FAM169A: variants seen among roughly 807,000 people sequenced by gnomAD.
FAM169A encodes family with sequence similarity 169 member A, also known as soluble lamin-associated protein of 75 kDa.
Under a neutral mutation model 75.7 loss-of-function variants are expected in FAM169A, and 24 were observed. The ratio of observed to expected loss-of-function variants is 0.32; its 90% CI spans 0.23 to 0.45. The LOEUF is 0.45. Among genes scored for constraint, FAM169A ranks in the 20% least tolerant of loss-of-function variants. The probability of loss-of-function intolerance (pLI) is 1.00; values close to 1 mark genes in which losing one functional copy is unlikely to be tolerated. For missense variants in FAM169A, 673 were observed against 784.0 expected, an observed-to-expected ratio of 0.86 and a Z score of 1.69; for synonymous variants, 271 against 271.0, an observed-to-expected ratio of 1.00 and a Z score of 0.00.
chr5:74,803,935 G>A (rs1166310952), intron 8 of FAM169A, among the ~76,000 whole-genome samples: 1 of 151,938 alleles, frequency 6.6e-6, no homozygotes. Flanking sequence ...TTGCTCCTGG[G>A]TCATTTAAAA....
intron 1 of FAM169A, among the ~76,000 whole-genome samples, chr5:74,861,002 C>T (rs1363701932): frequency 3.3e-5 from 5 of 151,868 alleles, no homozygotes; most frequent in Admixed American, 1.3e-4. Context: ...CCAGGCATAG[C>T]GGCGTGCATC....
chr5:74,784,473 G>A (rs1168796331), intron 11 of FAM169A, among the ~76,000 whole-genome samples: 4 of 124,880 alleles, frequency 3.2e-5, no homozygotes, highest in Non-Finnish European at 6.2e-5. Flanking sequence ...TCATGCCACT[G>A]CAGTCCAGCC....
rs181020352 is a variant in FAM169A at position 74,830,552 on chromosome 5, C to T, written c.490+3874G>A. On this transcript the variant is annotated intron_variant, in intron 5 of 12. Transcript: ENST00000687041. ...GGAGATTATGAGAAATACAATGCAA[C>T]GGGTGTTTACTATTAGGAACTATCA... Among the ~76,000 whole-genome samples, 13 of 152,192 alleles carry T rather than the reference C, an allele frequency of 8.5e-5. No individual in the cohort carries two copies. In the East Asian group the frequency reaches 1.5e-3, roughly 18 times the overall value.
At chr5:74,813,763 C>CA (rs1177953095) in intron 6 of FAM169A, 77 bp downstream of exon 6, 2 of 1,151,052 alleles carry the variant, frequency 1.7e-6, no homozygotes, top group African/African-American at 1.6e-5. Flanking sequence ...GATATATACA[C>CA]ATTTACCGTA....
chr5:74,853,356 T>A (rs1749541168), intron 1 of FAM169A, among the ~76,000 whole-genome samples: 2 of 152,220 alleles, frequency 1.3e-5, no homozygotes, highest in South Asian at 4.1e-4. Context: ...ACACATCTCA[T>A]TCCTCGAAAT....
chr5:74,839,411 C>T (rs768094050), intron 3 of FAM169A, among the ~76,000 whole-genome samples: 9 of 152,096 alleles, frequency 5.9e-5, no homozygotes, highest in Non-Finnish European at 1.3e-4. Context: ...CACGTGCGCA[C>T]ACACTCTCTC....
chr5:74,799,317 G>A, intron 10 of FAM169A: 2 of 1,601,524 alleles, frequency 1.2e-6, no homozygotes, highest in Non-Finnish European at 1.7e-6. Context: ...CCGCCCTAGA[G>A]AACAAATTTG....
chr5:74,799,679 C>T (rs1456098343), intron 10 of FAM169A: 4 of 1,270,038 alleles, frequency 3.1e-6, no homozygotes, highest in African/African-American at 1.5e-5. Flanking sequence ...AGCACCATGT[C>T]TGCTGCTGAT....
chr5:74,804,725 T>C (rs1433974192), intron 7 of FAM169A, 120 bp from the exon 8 acceptor site: 2 of 551,278 alleles, frequency 3.6e-6, no homozygotes, highest in Non-Finnish European at 6.5e-6. Context: ...CACGAAAATC[T>C]AGGTGTGAGA....
chr5:74,795,517 G>GTT (rs1746224247), intron 11 of FAM169A, among the ~76,000 whole-genome samples: 1 of 150,048 alleles, frequency 6.7e-6, no homozygotes, highest in African/African-American at 2.5e-5. Context: ...GTTACCAAGG[G>GTT]TTTATATATT....
Position 74,779,609 on chromosome 5 carries a change from ATAG to A in FAM169A, c.*1848_*1850del, listed in dbSNP as rs1322282569. ...GCATAAATGTTTGGTAGATTCACTA[ATAG>A]TAGTCATACTTTTTTTTTTTTACTT... On this transcript the variant is annotated 3_prime_UTR_variant, in exon 13 of 13. Transcript: ENST00000687041. 4 of 151,862 alleles carry A rather than the reference ATAG, an allele frequency of 2.6e-5. No individual in the cohort carries two copies. The highest frequency in any genetic ancestry group is 4.9e-5 in the African/African-American group (2 of 41,198). The allele number at this position is 151,862 out of a possible 1,614,324, so 9.4% of individuals were successfully genotyped here.
chr5:74,827,460 T>G (rs1454560695), intron 5 of FAM169A, among the ~76,000 whole-genome samples: 1 of 152,096 alleles, frequency 6.6e-6, no homozygotes, highest in Admixed American at 6.6e-5. Flanking sequence ...ATCATTTTTC[T>G]CTACAAGAAT....
chr5:74,849,495 C>A (rs1424954607), intron 1 of FAM169A, among the ~76,000 whole-genome samples: 1 of 151,990 alleles, frequency 6.6e-6, no homozygotes, highest in Non-Finnish European at 1.5e-5. Flanking sequence ...TGAAAGAATT[C>A]TCAGGGAAAA....
chr5:74,821,843 G>T (rs1747780229), intron 5 of FAM169A, among the ~76,000 whole-genome samples: 3 of 152,104 alleles, frequency 2.0e-5, no homozygotes, highest in African/African-American at 7.2e-5. Context: ...CTCTCATAGG[G>T]CATCAGCTAG....
intron 5 of FAM169A, among the ~76,000 whole-genome samples, chr5:74,826,146 G>A (rs1273517748): frequency 6.6e-6 from 1 of 152,046 alleles, no homozygotes; most frequent in East Asian, 1.9e-4. Context: ...ATTTGTTTTA[G>A]TTTCTAAGAG....
chr5:74,859,631 GTTA>G, intron 1 of FAM169A, among the ~76,000 whole-genome samples: 2 of 152,252 alleles, frequency 1.3e-5, no homozygotes, highest in Middle Eastern at 6.8e-3. Context: ...TCAACTTGTG[GTTA>G]TACTATATCT....
At position 74,781,684 on chromosome 5, in the gene FAM169A, C is replaced by G; in HGVS notation, c.1789G>C (p.Glu597Gln). 2 of 1,614,154 alleles carry G rather than the reference C, an allele frequency of 1.2e-6. No individual in the cohort carries two copies. The highest frequency in any genetic ancestry group is 4.5e-5 in the East Asian group (2 of 44,882). ...GCATTCTGTGAAAATGGCACGTCTT[C>G]AAGTTCAACCTCTATCAAAGAACTC... ...PQSSLIEVEL[E>Q]DVPFSQNAGQ... The change falls in exon 13 of 13, where the codon GAA (glutamate) becomes CAA (glutamine). Residue 597 changes from glutamate (E) to glutamine (Q), a missense_variant. Glu to Gln is a conservative substitution (Grantham distance 29). Around this residue, in one of 3 missense-constraint regions of FAM169A, gnomAD observed 510 missense variants for 550.9 expected, o/e 0.93. Coordinates refer to ENST00000687041, the MANE Select transcript of FAM169A (RefSeq NM_001376049.1).
chr5:74,866,258 CG>C lies in FAM169A; in HGVS notation c.-98del. 4 of 984,026 alleles carry C rather than the reference CG, an allele frequency of 4.1e-6. No individual in the cohort carries two copies. Among genetic ancestry groups the C allele is most frequent in the Non-Finnish European group, 4.8e-6 (4 of 829,296 alleles). 61.0% of individuals were successfully genotyped at this position (984,026 alleles called of 1,614,324 possible). On this transcript the variant is annotated 5_prime_UTR_variant, in exon 1 of 13. Coordinates refer to ENST00000687041, the MANE Select transcript of FAM169A (RefSeq NM_001376049.1). ...CCGGCGGCTGCTCGCTGGCGACCTC[CG>C]GCCGGTCCCAGGCCGCACAGCTCGC... is the stretch of plus-strand genomic sequence containing the variant.
intron 5 of FAM169A, among the ~76,000 whole-genome samples, chr5:74,827,958 G>A (rs1748122349): frequency 6.6e-6 from 1 of 152,044 alleles, no homozygotes; most frequent in Non-Finnish European, 1.5e-5. Context: ...GAGCCACCAT[G>A]CCTGGCCTGG....
Sources: gnomAD v4.1 joint callset for allele counts (sites outside exome capture counted in the v4.1 genomes callset) on GRCh38, gnomAD v4.1.1 for gene constraint, gnomAD v4.1.1 regional missense constraint, MANE v1.5 for transcripts, NCBI Gene and HGNC (gene_info 2026-07-23, HGNC 2026-07-21) for gene names.